Variants in DPP10 observed in about 807,000 individuals in gnomAD.
DPP10 encodes dipeptidyl peptidase like 10.
A neutral mutation model predicts 120.9 loss-of-function variants in DPP10; 33 were observed. The observed-to-expected ratio is 0.27, with a 90% confidence interval of 0.21 to 0.37. The LOEUF (loss-of-function observed/expected upper bound fraction) is 0.37, where lower values mean the gene tolerates loss of function less well. Among genes scored for constraint, DPP10 ranks in the 10% least tolerant of loss-of-function variants. The pLI is 1.00. For synonymous variants in DPP10, 337 were observed against 326.1 expected, an observed-to-expected ratio of 1.03 and a Z score of -0.36; for missense variants, 816 against 942.8, an observed-to-expected ratio of 0.87 and a Z score of 1.76.
At chr2:114,760,656 A>G (rs932392511) in intron 1 of DPP10, among the ~76,000 whole-genome samples, 1 of 152,070 alleles carries the variant, frequency 6.6e-6, no homozygotes, top group Non-Finnish European at 1.5e-5. Context: ...GCTGCCCTGT[A>G]GCATAAGTAA....
At chr2:115,442,022 C>A (rs1380639473) in intron 3 of DPP10, among the ~76,000 whole-genome samples, 3 of 151,926 alleles carry the variant, frequency 2.0e-5, no homozygotes, top group Non-Finnish European at 2.9e-5. Context: ...CCATGTTAAC[C>A]AGGATGGTGT....
At chr2:115,670,608 T>G (rs1158857498) in intron 5 of DPP10, among the ~76,000 whole-genome samples, 1 of 152,138 alleles carries the variant, frequency 6.6e-6, no homozygotes, top group East Asian at 1.9e-4. Flanking sequence ...GCAACTAACT[T>G]TACTTTTAAG....
At chr2:115,633,468 T>C (rs2086062641) in intron 5 of DPP10, among the ~76,000 whole-genome samples, 1 of 152,032 alleles carries the variant, frequency 6.6e-6, no homozygotes, top group Admixed American at 6.6e-5. Context: ...CATTAGGAGA[T>C]ATACCTAATG....
At chr2:115,084,611 C>T (rs542209571) in intron 1 of DPP10, among the ~76,000 whole-genome samples, 1 of 152,160 alleles carries the variant, frequency 6.6e-6, no homozygotes, top group Non-Finnish European at 1.5e-5. Flanking sequence ...ACATATGGTG[C>T]TAGCTCAGAT....
At chr2:115,770,822 TCA>T (rs1288135955) in intron 13 of DPP10, among the ~76,000 whole-genome samples, 2 of 152,148 alleles carry the variant, frequency 1.3e-5, no homozygotes, top group Non-Finnish European at 2.9e-5. Context: ...CCTCATATTC[TCA>T]CACTTTTAAT....
intron 5 of DPP10, among the ~76,000 whole-genome samples, chr2:115,539,279 A>G (rs888983245): frequency 5.3e-5 from 8 of 152,158 alleles, no homozygotes; most frequent in East Asian, 3.9e-4. Context: ...TTGGAGGGCT[A>G]TCACAGAGAA....
At chr2:115,606,814 C>G (rs2149237731) in intron 5 of DPP10, among the ~76,000 whole-genome samples, 1 of 152,248 alleles carries the variant, frequency 6.6e-6, no homozygotes, top group Non-Finnish European at 1.5e-5. Flanking sequence ...AAGCAGGAAG[C>G]TTTGTTTCTA....
intron 1 of DPP10, among the ~76,000 whole-genome samples, chr2:115,037,732 C>G (rs1704327726): frequency 6.6e-6 from 1 of 152,212 alleles, no homozygotes; most frequent in Admixed American, 6.5e-5. Flanking sequence ...GATCTAACTG[C>G]TTTGCTCCAC....
At chr2:115,035,729 TA>T (rs1433670112) in intron 1 of DPP10, among the ~76,000 whole-genome samples, 1 of 152,216 alleles carries the variant, frequency 6.6e-6, no homozygotes, top group Non-Finnish European at 1.5e-5. Flanking sequence ...TCCTTACCTG[TA>T]AAATGCTGAA....
intron 5 of DPP10, among the ~76,000 whole-genome samples, chr2:115,647,179 AGT>A (rs1342620799): frequency 6.6e-6 from 1 of 152,124 alleles, no homozygotes; most frequent in African/African-American, 2.4e-5. Context: ...TCCTTTGCTT[AGT>A]GTGACACAAT....
chr2:115,150,510 T>C (rs2051479490), intron 1 of DPP10, among the ~76,000 whole-genome samples: 1 of 152,250 alleles, frequency 6.6e-6, no homozygotes, highest in African/African-American at 2.4e-5. Flanking sequence ...CCACCCATTA[T>C]AATTATTGAA....
At chr2:115,117,261 A>C (rs2049564743) in intron 1 of DPP10, among the ~76,000 whole-genome samples, 1 of 152,222 alleles carries the variant, frequency 6.6e-6, no homozygotes. Context: ...TGGTTTTATC[A>C]TTAAAAAGTG....
At chr2:115,411,561 T>G (rs992342784) in intron 3 of DPP10, among the ~76,000 whole-genome samples, 3 of 152,152 alleles carry the variant, frequency 2.0e-5, no homozygotes, top group Admixed American at 6.6e-5. Flanking sequence ...AGAAGTTCTT[T>G]TATGAGAGAG....
intron 3 of DPP10, among the ~76,000 whole-genome samples, chr2:115,497,498 T>G (rs1406178297): frequency 6.6e-6 from 1 of 152,148 alleles, no homozygotes; most frequent in African/African-American, 2.4e-5. Flanking sequence ...TGTTTTGTTT[T>G]GCTCTATTTA....
intron 1 of DPP10, among the ~76,000 whole-genome samples, chr2:114,668,407 G>T (rs1359341201): frequency 6.6e-6 from 1 of 152,186 alleles, no homozygotes; most frequent in Non-Finnish European, 1.5e-5. Flanking sequence ...GGCCTTTAAA[G>T]ATTGGATAAT....
At chr2:115,112,838 T>C (rs2049299555) in intron 1 of DPP10, among the ~76,000 whole-genome samples, 1 of 152,212 alleles carries the variant, frequency 6.6e-6, no homozygotes, top group Non-Finnish European at 1.5e-5. Context: ...TCTCTTCTTT[T>C]ATGAATACAA....
intron 1 of DPP10, among the ~76,000 whole-genome samples, chr2:115,016,418 C>T (rs183808135): frequency 1.3e-5 from 2 of 152,216 alleles, no homozygotes; most frequent in South Asian, 2.1e-4. Context: ...AAAACCTAGG[C>T]AATACCATTC....
At chr2:114,911,872 C>G (rs997062894) in intron 1 of DPP10, among the ~76,000 whole-genome samples, 1 of 152,006 alleles carries the variant, frequency 6.6e-6, no homozygotes, top group Non-Finnish European at 1.5e-5. Context: ...ATAGGAGAGG[C>G]AGAGAGGGAG....
At chr2:114,559,654 C>A (rs1688598107) in intron 1 of DPP10, among the ~76,000 whole-genome samples, 1 of 152,116 alleles carries the variant, frequency 6.6e-6, no homozygotes, top group Admixed American at 6.5e-5. Flanking sequence ...AATTCACACA[C>A]CTGGAATCTC....
Sources: allele counts gnomAD v4.1 joint callset (sites outside exome capture counted in the v4.1 genomes callset), GRCh38; gene constraint gnomAD v4.1.1; transcripts MANE v1.5; gene names NCBI Gene and HGNC (gene_info 2026-07-23, HGNC 2026-07-21).